The following HS6ST3 variants were observed in gnomAD, a reference collection of about 807,000 sequenced individuals.
The protein encoded by HS6ST3 is heparan-sulfate 6-O-sulfotransferase 3.
HS6ST3 carries 12 observed loss-of-function variants against 36.7 expected under a neutral mutation model. The observed-to-expected ratio is 0.33, with a 90% CI of 0.21 to 0.53. The LOEUF is 0.53. Ranked by LOEUF, HS6ST3 falls within the 20% of genes least tolerant of loss-of-function variation. The pLI, the probability that HS6ST3 is intolerant of heterozygous loss-of-function variation, is 0.95. For missense variants in HS6ST3, 584 were observed against 640.9 expected (o/e 0.91, Z 0.96); for synonymous variants, 240 against 257.5 (o/e 0.93, Z 0.65).
chr13:96,414,797 A>G (rs1035350729), intron 1 of HS6ST3, among the ~76,000 whole-genome samples: 1 of 152,142 alleles, frequency 6.6e-6, no homozygotes. Flanking sequence ...TCATGTTCTA[A>G]TACTCTTTCT....
chr13:96,255,586 C>T (rs1432456025), intron 1 of HS6ST3, among the ~76,000 whole-genome samples: 7 of 152,116 alleles, frequency 4.6e-5, no homozygotes, highest in African/African-American at 1.7e-4. Context: ...TGTATTTTAA[C>T]ATTGGGGCAG....
In HS6ST3 at chr13:96,708,052, C is replaced by A. The variant is rs1875471020; in HGVS notation, c.708-124438C>A. ...CAGATAGGCTTTAAAGTTAGGAAAT[C>A]TAGTAAAATAACTTCTAAGGATATT... On this transcript the variant is annotated intron_variant, in intron 1 of 1. Coordinates refer to ENST00000376705, the MANE Select transcript of HS6ST3 (RefSeq NM_153456.4). Among the ~76,000 whole-genome samples the A allele has an allele frequency of 3.9e-5, 6 of 152,252 alleles. No homozygotes were observed. In the South Asian group the frequency reaches 1.2e-3, roughly 32 times the overall value.
At chr13:96,812,073 C>T (rs1024125290) in intron 1 of HS6ST3, among the ~76,000 whole-genome samples, 2 of 152,242 alleles carry the variant, frequency 1.3e-5, no homozygotes, top group African/African-American at 4.8e-5. Context: ...TTGACTCTGA[C>T]ATTCTGAGTA....
At chr13:96,420,300 G>A (rs983337107) in intron 1 of HS6ST3, among the ~76,000 whole-genome samples, 2 of 152,136 alleles carry the variant, frequency 1.3e-5, no homozygotes, top group East Asian at 3.9e-4. Flanking sequence ...AAATGTTTGT[G>A]TTTGGAAGGG....
chr13:96,702,320 CTTTA>C (rs1354992542), intron 1 of HS6ST3, among the ~76,000 whole-genome samples: 1 of 152,200 alleles, frequency 6.6e-6, no homozygotes, highest in African/African-American at 2.4e-5. Flanking sequence ...ATTTCCCTGT[CTTTA>C]TTTATAGTCT....
intron 1 of HS6ST3, among the ~76,000 whole-genome samples, chr13:96,384,226 A>G (rs993832092): frequency 3.3e-5 from 5 of 152,236 alleles, no homozygotes; most frequent in African/African-American, 9.6e-5. Context: ...CTCTGACCAC[A>G]TATAAAATCA....
chr13:96,194,186 T>G (rs1441266124), intron 1 of HS6ST3, among the ~76,000 whole-genome samples: 1 of 152,178 alleles, frequency 6.6e-6, no homozygotes, highest in Admixed American at 6.5e-5. Context: ...CATTTCATTG[T>G]ATATACAATA....
At chr13:96,771,125 G>A (rs1363304259) in intron 1 of HS6ST3, among the ~76,000 whole-genome samples, 1 of 152,072 alleles carries the variant, frequency 6.6e-6, no homozygotes, top group East Asian at 1.9e-4. Flanking sequence ...CCAGTAATGG[G>A]ATTGCTAGGT....
At chr13:96,580,135 A>T (rs1042633874) in intron 1 of HS6ST3, among the ~76,000 whole-genome samples, 5 of 150,690 alleles carry the variant, frequency 3.3e-5, no homozygotes, top group Non-Finnish European at 3.0e-5. Context: ...AATTTGACTG[A>T]GGAATATTTT....
chr13:96,737,911 T>C (rs1876328745), intron 1 of HS6ST3, among the ~76,000 whole-genome samples: 2 of 152,174 alleles, frequency 1.3e-5, no homozygotes, highest in Non-Finnish European at 2.9e-5. Flanking sequence ...TCTTCTCTTT[T>C]CATCTCCTTC....
At chr13:96,207,200 A>AGG (rs2054374946) in intron 1 of HS6ST3, among the ~76,000 whole-genome samples, 1 of 152,208 alleles carries the variant, frequency 6.6e-6, no homozygotes, top group Admixed American at 6.5e-5. Flanking sequence ...CAAATACGAA[A>AGG]AAAAGCTCCA....
intron 1 of HS6ST3, among the ~76,000 whole-genome samples, chr13:96,233,727 A>T (rs949628805): frequency 6.6e-6 from 1 of 152,232 alleles, no homozygotes; most frequent in South Asian, 2.1e-4. Context: ...TAAACTTGAT[A>T]GGAAGAGGGA....
intron 1 of HS6ST3, among the ~76,000 whole-genome samples, chr13:96,312,391 GATATGTCT>G (rs2054945850): frequency 6.6e-6 from 1 of 152,020 alleles, no homozygotes; most frequent in African/African-American, 2.4e-5. Flanking sequence ...CAGTGAATGT[GATATGTCT>G]ATATTCAACT....
chr13:96,545,768 G>A lies in HS6ST3; in HGVS notation c.708-286722G>A, dbSNP rs78495687. On this transcript the variant is annotated intron_variant, in intron 1 of 1. Coordinates refer to ENST00000376705, the MANE Select transcript of HS6ST3 (RefSeq NM_153456.4). ...ATTCTTAAGGAATTTAAAAACAGAGGTTCCAAGTAGGAAAATCCGATAGCT... is the reference window on the plus strand; with the variant it reads ...ATTCTTAAGGAATTTAAAAACAGAGATTCCAAGTAGGAAAATCCGATAGCT... Among the ~76,000 whole-genome samples the A allele has an allele frequency of 2.5e-3, 376 of 152,250 alleles. 1 individual carries two copies. The highest frequency in any genetic ancestry group is 3.4e-3 in the Middle Eastern group (1 of 294).
In HS6ST3 at chr13:96,583,209, T is replaced by C. The variant is rs1214313348; in HGVS notation, c.708-249281T>C. The stretch of plus-strand genomic sequence containing the variant: ...CTTCAATTTCTTTTTCTTTTCTTTT[T>C]TTTTTTTTTTTTTTTTTTTTTTGAG... On this transcript the variant is annotated intron_variant, in intron 1 of 1. Transcript: ENST00000376705. Among the ~76,000 whole-genome samples, 6 of 100,998 alleles carry C rather than the reference T, an allele frequency of 5.9e-5. No individual in the cohort carries two copies. The East Asian group carries it at 2.0e-3, about 33-fold the overall frequency. The allele number at this position is 100,998 out of a possible 152,430, so 66.3% of individuals were successfully genotyped here.
At chr13:96,293,421 G>A (rs75600077) in intron 1 of HS6ST3, among the ~76,000 whole-genome samples, 2,034 of 152,032 alleles carry the variant, frequency 0.013, 41 homozygotes, top group African/African-American at 0.047. Context: ...CAATACAGTC[G>A]TCTTAGATGA....
intron 1 of HS6ST3, among the ~76,000 whole-genome samples, chr13:96,794,016 G>GGGTGA (rs1877853385): frequency 6.6e-6 from 1 of 152,062 alleles, no homozygotes; most frequent in Non-Finnish European, 1.5e-5. Flanking sequence ...CACCCAGTAT[G>GGGTGA]TTCTTATTGA....
At chr13:96,633,698 C>T (rs1353875060) in intron 1 of HS6ST3, among the ~76,000 whole-genome samples, 1 of 152,072 alleles carries the variant, frequency 6.6e-6, no homozygotes, top group African/African-American at 2.4e-5. Flanking sequence ...ATGGATTGAA[C>T]GTTTGTGTTC....
At chr13:96,184,901 C>T (rs1001288141) in intron 1 of HS6ST3, among the ~76,000 whole-genome samples, 7 of 152,068 alleles carry the variant, frequency 4.6e-5, no homozygotes, top group East Asian at 1.9e-4. Context: ...CCTGCTATCC[C>T]GCCAGGGCCC....
Sources: allele counts gnomAD v4.1 joint callset (sites outside exome capture counted in the v4.1 genomes callset), GRCh38; gene constraint gnomAD v4.1.1; transcripts MANE v1.5; gene names NCBI Gene and HGNC (gene_info 2026-07-23, HGNC 2026-07-21).